PLCE1: variants seen among roughly 807,000 people sequenced by gnomAD.
PLCE1 encodes phospholipase C epsilon 1.
In PLCE1, 119 loss-of-function variants were observed where a neutral mutation model predicts 242.8. The observed-to-expected ratio is 0.49, with a 90% CI of 0.42 to 0.57. The LOEUF is 0.57. Among genes scored for constraint, PLCE1 ranks in the 20% least tolerant of loss-of-function variants. The pLI, the probability that PLCE1 is intolerant of heterozygous loss-of-function variation, is 0.00. For synonymous variants in PLCE1, 945 were observed against 1,017.4 expected (o/e 0.93, Z 1.35); for missense variants, 2,441 against 2,788.8 (o/e 0.88, Z 2.81).
rs569402918 is a variant in PLCE1 at position 94,242,677 on chromosome 10, C to T, written c.2421-3269C>T. On this transcript the variant is annotated intron_variant, in intron 7 of 32. Coordinates refer to ENST00000371380, the MANE Select transcript of PLCE1 (RefSeq NM_016341.4). ...AAGGTTTCTCCTAGAGAGGCTGATT[C>T]GAGGACTGGGGCAGAAAATACACAA... Among the ~76,000 whole-genome samples the T allele has an allele frequency of 2.0e-5, 3 of 152,072 alleles. No homozygotes were observed. In the East Asian group the frequency reaches 5.8e-4, roughly 29 times the overall value.
At chr10:94,239,501 T>A (rs1304926659) in intron 7 of PLCE1, among the ~76,000 whole-genome samples, 21 of 152,176 alleles carry the variant, frequency 1.4e-4, no homozygotes, top group Non-Finnish European at 1.5e-5. Context: ...GAACTGTGAG[T>A]TAATTAAACC....
At chr10:94,033,753 T>C (rs773124024) in intron 2 of PLCE1, among the ~76,000 whole-genome samples, 105 of 152,148 alleles carry the variant, frequency 6.9e-4, no homozygotes, top group Non-Finnish European at 7.3e-5. Flanking sequence ...TGAAAACTCT[T>C]GCTTCCTTCA....
rs868719635 is a variant in PLCE1 at position 94,319,806 on chromosome 10, C to T, written c.6343-2095C>T. Among the ~76,000 whole-genome samples the T allele has an allele frequency of 3.3e-5, 5 of 149,430 alleles. No individual in the cohort carries two copies. In the South Asian group the frequency reaches 6.4e-4, roughly 19 times the overall value. On this transcript the variant is annotated intron_variant, in intron 29 of 32. Transcript: ENST00000371380. ...TTATTTTGTTCATAACCTGTGGCTTCGAACTAATGTGGCTAGAAATACCTT... is the reference window on the plus strand; with the variant it reads ...TTATTTTGTTCATAACCTGTGGCTTTGAACTAATGTGGCTAGAAATACCTT...
At chr10:94,030,276 A>G (rs1246830211) in intron 1 of PLCE1, among the ~76,000 whole-genome samples, 1 of 151,978 alleles carries the variant, frequency 6.6e-6, no homozygotes, top group Non-Finnish European at 1.5e-5. Flanking sequence ...ACTCAGGTAA[A>G]TTGTTGGATT....
intron 8 of PLCE1, among the ~76,000 whole-genome samples, chr10:94,249,514 A>T (rs569513616): frequency 6.6e-6 from 1 of 152,176 alleles, no homozygotes; most frequent in East Asian, 1.9e-4. Flanking sequence ...TAACAGCTCT[A>T]TAAGAGGATT....
At chr10:93,999,595 C>G (rs557057408) in intron 1 of PLCE1, among the ~76,000 whole-genome samples, 1 of 152,206 alleles carries the variant, frequency 6.6e-6, no homozygotes, top group African/African-American at 2.4e-5. Context: ...TTGAAATACT[C>G]GTAAGTTTTC....
intron 7 of PLCE1, among the ~76,000 whole-genome samples, chr10:94,236,969 A>C (rs1228782247): frequency 6.6e-6 from 1 of 152,238 alleles, no homozygotes; most frequent in East Asian, 1.9e-4. Context: ...AAGAAAAATA[A>C]GAATATGAGA....
At position 94,308,618 on chromosome 10, in the gene PLCE1, A is replaced by G; in HGVS notation, c.5922A>G (p.Glu1974=). 1 of 1,613,560 alleles carries G rather than the reference A, an allele frequency of 6.2e-7. No homozygotes were observed. ...RHLQLRNLHN[E]VLEISSLFIN... Reference sequence around the variant, plus strand: ...TTCAGCTGCGAAACCTTCACAATGAAGTCTTGGAGATTTCTAGTTTATTCA... The same window carrying G: ...TTCAGCTGCGAAACCTTCACAATGAGGTCTTGGAGATTTCTAGTTTATTCA... The change falls in exon 27 of 33, where the codon GAA becomes GAG. Residue 1974 remains glutamate, a synonymous_variant. Transcript: ENST00000371380.
At chr10:94,299,084 A>G (rs1253797945) in intron 24 of PLCE1, among the ~76,000 whole-genome samples, 2 of 152,228 alleles carry the variant, frequency 1.3e-5, no homozygotes, top group African/African-American at 4.8e-5. Context: ...AGTTAAAACC[A>G]TGTTAGCGTC....
intron 2 of PLCE1, among the ~76,000 whole-genome samples, chr10:94,087,776 G>A (rs1209202324): frequency 6.6e-6 from 1 of 152,174 alleles, no homozygotes; most frequent in African/African-American, 2.4e-5. Flanking sequence ...TTCAAAAAGG[G>A]AAGTGGACTG....
At chr10:94,160,897 G>T (rs1404840210) in intron 3 of PLCE1, among the ~76,000 whole-genome samples, 2 of 152,152 alleles carry the variant, frequency 1.3e-5, no homozygotes, top group African/African-American at 2.4e-5. Context: ...TGTCAGGTTT[G>T]TCAAAGATCA....
intron 24 of PLCE1, among the ~76,000 whole-genome samples, chr10:94,303,809 TA>T (rs1161633488): frequency 2.6e-5 from 4 of 151,990 alleles, no homozygotes; most frequent in African/African-American, 9.6e-5. Context: ...AAATATTCAT[TA>T]AAAAAAATGG....
chr10:94,206,960 T>C (rs1317372208), intron 4 of PLCE1, among the ~76,000 whole-genome samples: 1 of 152,250 alleles, frequency 6.6e-6, no homozygotes, highest in Non-Finnish European at 1.5e-5. Flanking sequence ...TAAAATGTTT[T>C]GATGTTTATT....
intron 2 of PLCE1, among the ~76,000 whole-genome samples, chr10:94,084,528 A>C (rs2044747199): frequency 6.6e-6 from 1 of 152,116 alleles, no homozygotes; most frequent in South Asian, 2.1e-4. Context: ...TGAAACCATA[A>C]ACGCTTGTCT....
chr10:94,081,004 C>T (rs749721104), intron 2 of PLCE1, among the ~76,000 whole-genome samples: 11 of 152,182 alleles, frequency 7.2e-5, no homozygotes, highest in Admixed American at 3.9e-4. Context: ...TGGAACACCT[C>T]AAATGAAAGT....
At chr10:94,186,769 A>G (rs766242273) in intron 4 of PLCE1, among the ~76,000 whole-genome samples, 6 of 152,254 alleles carry the variant, frequency 3.9e-5, no homozygotes, top group African/African-American at 9.6e-5. Flanking sequence ...CATAATTGAT[A>G]TGCAAGTCAA....
chr10:94,150,657 G>T (rs766145703), intron 3 of PLCE1, among the ~76,000 whole-genome samples: 2 of 152,184 alleles, frequency 1.3e-5, no homozygotes, highest in South Asian at 2.1e-4. Context: ...CCTTCTAGCT[G>T]GGAGTTCACA....
chr10:94,038,347 G>T (rs888362322), intron 2 of PLCE1, among the ~76,000 whole-genome samples: 2 of 152,122 alleles, frequency 1.3e-5, no homozygotes, highest in Non-Finnish European at 2.9e-5. Flanking sequence ...GCGGTGCTGG[G>T]CTTATTTTCT....
intron 4 of PLCE1, among the ~76,000 whole-genome samples, chr10:94,185,144 A>T (rs2048434042): frequency 6.6e-6 from 1 of 152,236 alleles, no homozygotes; most frequent in Admixed American, 6.5e-5. Flanking sequence ...ATTGTGTAAG[A>T]GATCATGGTT....
Sources: allele counts gnomAD v4.1 joint callset (sites outside exome capture counted in the v4.1 genomes callset), GRCh38; gene constraint gnomAD v4.1.1; transcripts MANE v1.5; gene names NCBI Gene and HGNC (gene_info 2026-07-23, HGNC 2026-07-21).